The following TRHDE variants were observed in gnomAD, a reference collection of about 807,000 sequenced individuals.
TRHDE encodes the protein thyrotropin-releasing hormone-degrading ectoenzyme.
A neutral mutation model predicts 125.7 loss-of-function variants in TRHDE; 72 were observed. That is an observed-to-expected ratio of 0.57 (90% CI 0.47 to 0.70). The LOEUF is 0.70. TRHDE is among the 30% of genes least tolerant of loss of function. TRHDE has a pLI of 0.00. For missense variants in TRHDE, 1,110 were observed against 1,327.1 expected, an observed-to-expected ratio of 0.84 and a Z score of 2.54; for synonymous variants, 509 against 509.1, an observed-to-expected ratio of 1.00 and a Z score of 0.00.
intron 3 of TRHDE, among the ~76,000 whole-genome samples, chr12:72,413,781 A>G (rs1314960048): frequency 6.6e-6 from 1 of 152,068 alleles, no homozygotes; most frequent in Non-Finnish European, 1.5e-5. Context: ...TCATACACTT[A>G]TGGTAAAATC....
At chr12:72,541,516 A>T (rs766219603) in intron 6 of TRHDE, among the ~76,000 whole-genome samples, 38 of 151,510 alleles carry the variant, frequency 2.5e-4, no homozygotes, top group Admixed American at 8.6e-4. Context: ...TTTTACTTGC[A>T]TATGGATGTA....
chr12:72,256,934 T>C (rs1878831888), intron 2 of TRHDE: 2 of 152,198 alleles, frequency 1.3e-5, no homozygotes, highest in Non-Finnish European at 2.9e-5. Flanking sequence ...CATGGCACCA[T>C]GTGAAATGAC....
At chr12:72,401,970 T>C (rs749658307) in intron 3 of TRHDE, among the ~76,000 whole-genome samples, 8 of 152,204 alleles carry the variant, frequency 5.3e-5, no homozygotes, top group Non-Finnish European at 7.4e-5. Context: ...TATTCCATTA[T>C]ACTTACCTTT....
intron 2 of TRHDE, among the ~76,000 whole-genome samples, chr12:72,299,790 G>T (rs1880436311): frequency 6.6e-6 from 1 of 152,040 alleles, no homozygotes; most frequent in Admixed American, 6.6e-5. Context: ...CAGACAATAA[G>T]ACAAGATAAA....
intron 2 of TRHDE, among the ~76,000 whole-genome samples, chr12:72,153,708 G>A (rs565595226): frequency 6.6e-6 from 1 of 152,236 alleles, no homozygotes; most frequent in East Asian, 1.9e-4. Context: ...GAGCGGTTTT[G>A]AGTGAGTTTC....
At chr12:72,501,013 C>G (rs1466843664) in intron 6 of TRHDE, among the ~76,000 whole-genome samples, 1 of 151,902 alleles carries the variant, frequency 6.6e-6, no homozygotes, top group East Asian at 1.9e-4. Flanking sequence ...TTGACTGACC[C>G]ATGAATACAG....
intron 2 of TRHDE, among the ~76,000 whole-genome samples, chr12:72,121,603 G>A (rs1566229482): frequency 6.6e-6 from 1 of 152,236 alleles, no homozygotes; most frequent in East Asian, 1.9e-4. Context: ...ATAGGGGAGA[G>A]GTGATGGTAG....
chr12:72,390,651 A>C (rs1872581498), intron 3 of TRHDE, among the ~76,000 whole-genome samples: 1 of 152,228 alleles, frequency 6.6e-6, no homozygotes, highest in African/African-American at 2.4e-5. Context: ...TGTTATTGTA[A>C]CAGTGTTCTT....
chr12:72,646,728 C>T (rs1394573319), intron 15 of TRHDE, among the ~76,000 whole-genome samples: 1 of 151,820 alleles, frequency 6.6e-6, no homozygotes, highest in Non-Finnish European at 1.5e-5. Context: ...AAAACCATCA[C>T]AAAAACAAAG....
intron 2 of TRHDE, among the ~76,000 whole-genome samples, chr12:72,108,625 A>C (rs1048073116): frequency 2.0e-5 from 3 of 152,108 alleles, no homozygotes; most frequent in African/African-American, 7.2e-5. Flanking sequence ...GAATTATGGT[A>C]ATTGAAAACT....
At chr12:72,347,672 G>T (rs553553546) in intron 2 of TRHDE, among the ~76,000 whole-genome samples, 2 of 152,112 alleles carry the variant, frequency 1.3e-5, no homozygotes, top group Admixed American at 1.3e-4. Flanking sequence ...GCTGGCATTG[G>T]CTGGAGGCTG....
At chr12:72,175,917 A>G (rs1876978024) in intron 2 of TRHDE, among the ~76,000 whole-genome samples, 1 of 152,208 alleles carries the variant, frequency 6.6e-6, no homozygotes, top group African/African-American at 2.4e-5. Flanking sequence ...AGACGCTGAG[A>G]TGGAGTTTAG....
chr12:72,591,886 G>A (rs1256868651), intron 12 of TRHDE, among the ~76,000 whole-genome samples: 1 of 151,250 alleles, frequency 6.6e-6, no homozygotes, highest in East Asian at 1.9e-4. Context: ...GTATGCAATT[G>A]TATATTTTTT....
intron 3 of TRHDE, among the ~76,000 whole-genome samples, chr12:72,440,633 C>G (rs1874962688): frequency 6.6e-6 from 1 of 151,794 alleles, no homozygotes; most frequent in African/African-American, 2.4e-5. Context: ...CATACTTTGA[C>G]AAAAACAGTA....
At chr12:72,462,904 C>A (rs1240188817) in intron 3 of TRHDE, among the ~76,000 whole-genome samples, 1 of 152,180 alleles carries the variant, frequency 6.6e-6, no homozygotes, top group Non-Finnish European at 1.5e-5. Flanking sequence ...TGTTAGTCTC[C>A]TTCTCTGCTG....
intron 2 of TRHDE, among the ~76,000 whole-genome samples, chr12:72,228,242 C>A (rs1291843836): frequency 6.6e-6 from 1 of 152,236 alleles, no homozygotes; most frequent in African/African-American, 2.4e-5. Flanking sequence ...CCAGGCATTT[C>A]CATCCAGCCT....
chr12:72,166,907 CGTGTGTGTGTGTGTGTGTGTGT>C (rs59590935), intron 2 of TRHDE, among the ~76,000 whole-genome samples: 12 of 139,332 alleles, frequency 8.6e-5, no homozygotes, highest in Non-Finnish European at 1.6e-4. Context: ...GGTAGATGAA[CGTGTGTGTGTGTGTGTGTGTGT>C]GTGTGTGTGT....
At chr12:72,572,512 T>C (rs1870793488) in intron 10 of TRHDE, among the ~76,000 whole-genome samples, 2 of 152,110 alleles carry the variant, frequency 1.3e-5, no homozygotes, top group South Asian at 2.1e-4. Flanking sequence ...CATCATTTAA[T>C]TTGAAGAACA....
chr12:72,568,418 C>G, intron 9 of TRHDE, 150 bp from the exon 10 acceptor site: 1 of 462,438 alleles, frequency 2.2e-6, no homozygotes, highest in Non-Finnish European at 3.8e-6. Context: ...ATCTTTTTGA[C>G]CTATGCCTTA....
Sources: allele counts gnomAD v4.1 joint callset (sites outside exome capture counted in the v4.1 genomes callset), GRCh38; gene constraint gnomAD v4.1.1; transcripts MANE v1.5; gene names NCBI Gene and HGNC (gene_info 2026-07-23, HGNC 2026-07-21).